The following MEIS1 variants were observed in gnomAD, a reference collection of about 807,000 sequenced individuals.
The protein encoded by MEIS1 is Meis homeobox 1, also known as homeobox protein Meis1.
In MEIS1, 5 loss-of-function variants were observed where a neutral mutation model predicts 50.8. That is an observed-to-expected ratio of 0.10 (90% CI 0.05 to 0.21). The LOEUF is 0.21. Among genes scored for constraint, MEIS1 ranks in the 10% least tolerant of loss-of-function variants. The pLI, the probability that MEIS1 is intolerant of heterozygous loss-of-function variation, is 1.00. For synonymous variants in MEIS1, 176 were observed against 179.3 expected (o/e 0.98, Z 0.15); for missense variants, 318 against 517.3 (o/e 0.61, Z 3.74).
At chr2:66,473,397 A>AAAATATATATATATATATAT in intron 7 of MEIS1, among the ~76,000 whole-genome samples, 1 of 107,612 alleles carries the variant, frequency 9.3e-6, no homozygotes, top group African/African-American at 5.8e-5. Flanking sequence ...AAAAAAAAAA[A>AAAATATATATATATATATAT]ATATATATAT....
intron 4 of MEIS1, 66 bp from the exon 5 acceptor site, chr2:66,441,348 A>C: frequency 5.6e-6 from 8 of 1,417,706 alleles, no homozygotes; most frequent in Non-Finnish European, 7.6e-6. Context: ...TGGAGATGGT[A>C]GAGCTGTGGC....
intron 5 of MEIS1, among the ~76,000 whole-genome samples, chr2:66,442,197 A>AGTGATGCC (rs2103687790): frequency 6.6e-6 from 1 of 151,368 alleles, no homozygotes; most frequent in African/African-American, 2.4e-5. Flanking sequence ...TTTGCATGTC[A>AGTGATGCC]GTGATGCCTG....
chr2:66,570,008 T>C (rs140670776), intron 12 of MEIS1: 1 of 152,236 alleles, frequency 6.6e-6, no homozygotes, highest in Non-Finnish European at 1.5e-5. Flanking sequence ...AGGCTCTTGT[T>C]CACTTCCTAA....
intron 7 of MEIS1, among the ~76,000 whole-genome samples, chr2:66,486,622 C>G (rs1430643437): frequency 6.6e-6 from 1 of 152,130 alleles, no homozygotes; most frequent in African/African-American, 2.4e-5. Context: ...TAGTTTTCTT[C>G]TAATTCTGTG....
intron 8 of MEIS1, among the ~76,000 whole-genome samples, chr2:66,523,725 G>T (rs568980562): frequency 1.3e-5 from 2 of 152,284 alleles, no homozygotes; most frequent in East Asian, 3.9e-4. Context: ...AATCTCCAGG[G>T]CTACAAATGC....
chr2:66,501,513 A>G (rs1346476654), intron 7 of MEIS1, among the ~76,000 whole-genome samples: 1 of 150,018 alleles, frequency 6.7e-6, no homozygotes, highest in African/African-American at 2.4e-5. Flanking sequence ...TTTCTTTCCT[A>G]TTCATCATTG....
At chr2:66,498,052 T>C (rs923486720) in intron 7 of MEIS1, among the ~76,000 whole-genome samples, 7 of 151,890 alleles carry the variant, frequency 4.6e-5, no homozygotes, top group Non-Finnish European at 4.4e-5. Context: ...GGAGAGTGGG[T>C]ATAGATATTT....
intron 1 of MEIS1, among the ~76,000 whole-genome samples, chr2:66,436,340 A>G (rs549459648): frequency 6.6e-6 from 1 of 151,986 alleles, no homozygotes; most frequent in Admixed American, 6.5e-5. Context: ...GTCAGAAAAC[A>G]TTCATCTTTT....
intron 7 of MEIS1, among the ~76,000 whole-genome samples, chr2:66,494,548 G>T (rs1170389782): frequency 1.3e-5 from 2 of 152,180 alleles, no homozygotes; most frequent in African/African-American, 4.8e-5. Flanking sequence ...AGAGCTTATA[G>T]TCTGGTAGGA....
intron 6 of MEIS1, chr2:66,443,398 C>T (rs562486050): frequency 9.0e-4 from 211 of 233,574 alleles, no homozygotes; most frequent in Non-Finnish European, 1.4e-3. Context: ...AGCATTTTTC[C>T]CCCTTCTATC....
chr2:66,482,795 C>T (rs1673049143), intron 7 of MEIS1, among the ~76,000 whole-genome samples: 1 of 152,178 alleles, frequency 6.6e-6, no homozygotes, highest in Non-Finnish European at 1.5e-5. Flanking sequence ...CCCAATGTTG[C>T]TCTCTTTAGG....
intron 8 of MEIS1, among the ~76,000 whole-genome samples, chr2:66,544,277 T>C (rs1481113232): frequency 6.6e-6 from 1 of 152,120 alleles, no homozygotes; most frequent in Admixed American, 6.6e-5. Context: ...TTTTTAAGTC[T>C]ATAAAAGAAT....
chr2:66,486,947 A>G (rs531951604), intron 7 of MEIS1, among the ~76,000 whole-genome samples: 2 of 152,350 alleles, frequency 1.3e-5, no homozygotes, highest in African/African-American at 4.8e-5. Flanking sequence ...TTGACTTTGT[A>G]TCCTGAGACT....
chr2:66,504,623 A>G (rs1337256101), intron 7 of MEIS1, among the ~76,000 whole-genome samples: 1 of 152,222 alleles, frequency 6.6e-6, no homozygotes, highest in African/African-American at 2.4e-5. Context: ...AGCCAACTTT[A>G]GGAAGCTTAT....
Position 66,573,496 on chromosome 2 carries a change from G to GT in MEIS1, c.*2288_*2289insT, listed in dbSNP as rs1384224070. The GT allele has an allele frequency of 2.6e-5, 4 of 152,150 alleles. No homozygotes were observed. Among genetic ancestry groups the GT allele is most frequent in the African/African-American group, 9.7e-5 (4 of 41,424 alleles). The allele number at this position is 152,150 out of a possible 1,614,324, so 9.4% of individuals were successfully genotyped here. Reference sequence around the variant, plus strand: ...CAGGCCCAAGTCACCCTATAAACCGGCCCTTAGCAATTCTATTTTCTATTC... The same window carrying GT: ...CAGGCCCAAGTCACCCTATAAACCGGTCCCTTAGCAATTCTATTTTCTATTC... On this transcript the variant is annotated 3_prime_UTR_variant, in exon 13 of 13. Transcript: ENST00000272369.
In MEIS1 at chr2:66,546,022, C is replaced by G. The variant is rs568225255; in HGVS notation, c.889-1921C>G. Among the ~76,000 whole-genome samples the G allele has an allele frequency of 2.8e-4, 43 of 152,212 alleles. No individual in the cohort carries two copies. In the South Asian group the frequency reaches 8.5e-3, roughly 30 times the overall value. On this transcript the variant is annotated intron_variant, in intron 8 of 12. Coordinates refer to ENST00000272369, the MANE Select transcript of MEIS1 (RefSeq NM_002398.3). The stretch of plus-strand genomic sequence containing the variant: ...TAGTGATTTTCTGTTATGTCCCAGT[C>G]TGGGCTTTGAGGATAAACAGAAAGC...
intron 7 of MEIS1, among the ~76,000 whole-genome samples, chr2:66,479,469 A>G (rs1672968349): frequency 6.6e-6 from 1 of 152,224 alleles, no homozygotes; most frequent in Admixed American, 6.5e-5. Context: ...TGAATGGTGT[A>G]GTTAGTATAT....
intron 6 of MEIS1, among the ~76,000 whole-genome samples, chr2:66,462,518 C>T (rs957781308): frequency 9.2e-5 from 14 of 152,310 alleles, no homozygotes; most frequent in African/African-American, 3.4e-4. Flanking sequence ...CATGTCGAGG[C>T]ACCGGGGTTT....
intron 7 of MEIS1, among the ~76,000 whole-genome samples, chr2:66,469,422 C>A (rs917754084): frequency 2.0e-5 from 3 of 152,092 alleles, no homozygotes; most frequent in Non-Finnish European, 4.4e-5. Context: ...AGCCAGCAGG[C>A]AGAGCGGCCT....
Sources: gnomAD v4.1 joint callset for allele counts (sites outside exome capture counted in the v4.1 genomes callset) on GRCh38, gnomAD v4.1.1 for gene constraint, MANE v1.5 for transcripts, NCBI Gene and HGNC (gene_info 2026-07-23, HGNC 2026-07-21) for gene names.